Variants in IFITM5 observed in about 807,000 individuals in gnomAD.
IFITM5 encodes the protein interferon induced transmembrane protein 5, also known as interferon-induced transmembrane protein 5.
A neutral mutation model predicts 9.2 loss-of-function variants in IFITM5; 10 were observed. The ratio of observed to expected loss-of-function variants is 1.09; its 90% CI spans 0.67 to 1.85. IFITM5 has a LOEUF of 1.85. Among genes scored for constraint, IFITM5 ranks in the 40% most tolerant of loss-of-function variants. The probability of loss-of-function intolerance (pLI) is 0.00; values close to 1 mark genes in which losing one functional copy is unlikely to be tolerated. For synonymous variants in IFITM5, 93 were observed against 86.6 expected (o/e 1.07, Z -0.41); for missense variants, 225 against 182.6 (o/e 1.23, Z -1.34).
rs753826000 is a variant in IFITM5, at chr11:299,370, C to G, written c.121G>C (p.Val41Leu). ...PPPRDHLIWS[V>L]FSTLYLNLCC... ...AGATTCAGGTAGAGGGTGCTGAACA[C>G]CGACCAGATCAAGTGGTCTCGAGGC... Residue 41 changes from valine (V) to leucine (L), a missense_variant, in exon 1 of 2, where the codon GTG becomes CTG. Val to Leu is a conservative substitution (Grantham distance 32, BLOSUM62 1). Transcript: ENST00000382614. The G allele has an allele frequency of 4.4e-6, 7 of 1,596,696 alleles. No individual in the cohort carries two copies. The highest frequency in any genetic ancestry group is 1.7e-5 in the Admixed American group (1 of 58,106).
Position 298,698 on chromosome 11 carries a change from C to G in IFITM5, c.202G>C (p.Val68Leu), listed in dbSNP as rs1845894076. ...AYSIKARDQK[V>L]VGDLEAARRF... ...CGGGCCGCTTCCAGGTCACCAACCACCTTCTGATCTCGGGCCTGCAGAGAG... is the reference window on the plus strand; with the variant it reads ...CGGGCCGCTTCCAGGTCACCAACCAGCTTCTGATCTCGGGCCTGCAGAGAG... Residue 68 changes from valine to leucine, a missense_variant, in exon 2 of 2, where the codon GTG becomes CTG. Val to Leu is a conservative substitution (Grantham distance 32, BLOSUM62 1). Coordinates refer to ENST00000382614, the MANE Select transcript of IFITM5 (RefSeq NM_001025295.3). The G allele has an allele frequency of 1.6e-5, 26 of 1,613,556 alleles. No individual in the cohort carries two copies. The highest frequency in any genetic ancestry group is 6.7e-5 in the Admixed American group (4 of 60,002).
chr11:298,218 T>G lies in IFITM5; in HGVS notation c.*283A>C. On this transcript the variant is annotated 3_prime_UTR_variant, in exon 2 of 2. Coordinates refer to ENST00000382614, the MANE Select transcript of IFITM5 (RefSeq NM_001025295.3). ...GAGGCACTTTCTGGAACCAGGCACTTTTAATCGTGGAACCGAGGGGCCTGG... is the reference window on the plus strand; with the variant it reads ...GAGGCACTTTCTGGAACCAGGCACTGTTAATCGTGGAACCGAGGGGCCTGG... The G allele has an allele frequency of 4.4e-6, 2 of 457,880 alleles. No individual in the cohort carries two copies. Among genetic ancestry groups the G allele is most frequent in the East Asian group, 3.9e-5 (1 of 25,328 alleles). The allele number at this position is 457,880 out of a possible 1,614,324, so 28.4% of individuals were successfully genotyped here. A position where few individuals can be genotyped will look rare whatever the true frequency, so the allele number is the denominator to read the frequency against.
chr11:299,275 C>A (rs759332739), intron 1 of IFITM5, 30 bp downstream of exon 1: 40 of 1,535,518 alleles, frequency 2.6e-5, no homozygotes, highest in Non-Finnish European at 3.4e-5. Flanking sequence ...GTGGAGCCTC[C>A]CCCGCAACCT....
In IFITM5 at chr11:299,496, C is replaced by T. The variant is rs200674387; in HGVS notation, c.-6G>A. On this transcript the variant is annotated 5_prime_UTR_variant, in exon 1 of 2. Coordinates refer to ENST00000382614, the MANE Select transcript of IFITM5 (RefSeq NM_001025295.3). ...CGGGGATACGCCGTGTCCATGGGTT[C>T]CAGCGCCGTCTCTTCCACACTCAGA... The T allele has an allele frequency of 1.7e-5, 25 of 1,463,988 alleles. No individual in the cohort carries two copies. The highest frequency in any genetic ancestry group is 2.6e-5 in the East Asian group (1 of 38,412). 90.7% of individuals were successfully genotyped at this position (1,463,988 alleles called of 1,614,324 possible). A position where few individuals can be genotyped will look rare whatever the true frequency, so the allele number is the denominator to read the frequency against.
chr11:299,218 C>G (rs546222563), intron 1 of IFITM5, 87 bp downstream of exon 1: 3 of 1,135,456 alleles, frequency 2.6e-6, no homozygotes, highest in African/African-American at 3.3e-5. Context: ...CAAGGACCCC[C>G]CACGGAGCTC....
At position 298,654 on chromosome 11, in the gene IFITM5, G is replaced by C. The variant is rs947280912; in HGVS notation, c.246C>G (p.Ala82=). Residue 82 remains alanine, a synonymous_variant, in exon 2 of 2, where the codon GCC becomes GCG. Coordinates refer to ENST00000382614, the MANE Select transcript of IFITM5 (RefSeq NM_001025295.3). ...LEAARRFGSK[A]KCYNILAAMW... Reference sequence around the variant, plus strand: ...TCGCGGCCAGGATGTTGTAGCACTTGGCTTTGGAGCCAAAACGCCGGGCCG... The same window carrying C: ...TCGCGGCCAGGATGTTGTAGCACTTCGCTTTGGAGCCAAAACGCCGGGCCG... 5 of 1,613,548 alleles carry C rather than the reference G, an allele frequency of 3.1e-6. No individual in the cohort carries two copies. In the African/African-American group the frequency reaches 6.7e-5, roughly 22 times the overall value.
rs1845894100 is a variant in IFITM5, at chr11:298,699, C to T, written c.201G>A (p.Lys67=). ...GGGCCGCTTCCAGGTCACCAACCAC[C>T]TTCTGATCTCGGGCCTGCAGAGAGA... The part of the protein sequence containing the change: ...LAYSIKARDQ[K]VVGDLEAARR... The change falls in exon 2 of 2, where the codon AAG becomes AAA. Residue 67 remains lysine (K), a synonymous_variant. Transcript: ENST00000382614. The T allele has an allele frequency of 3.1e-6, 5 of 1,613,402 alleles. No individual in the cohort carries two copies. The highest frequency in any genetic ancestry group is 2.7e-5 in the African/African-American group (2 of 74,950).
rs1845888354 is a variant in IFITM5, at chr11:298,343, G to T, written c.*158C>A. The T allele has an allele frequency of 9.3e-6, 7 of 752,558 alleles. No homozygotes were observed. The highest frequency in any genetic ancestry group is 8.5e-5 in the Admixed American group (3 of 35,434). The allele number at this position is 752,558 out of a possible 1,614,324, so 46.6% of individuals were successfully genotyped here. A position where few individuals can be genotyped will look rare whatever the true frequency, so the allele number is the denominator to read the frequency against. On this transcript the variant is annotated 3_prime_UTR_variant, in exon 2 of 2. Coordinates refer to ENST00000382614, the MANE Select transcript of IFITM5 (RefSeq NM_001025295.3). ...GGGTCTGACTGGTTCAGCCTTAGGTGCCCATGTTGGGGCTGGAGGGCCCCA... is the reference window on the plus strand; with the variant it reads ...GGGTCTGACTGGTTCAGCCTTAGGTTCCCATGTTGGGGCTGGAGGGCCCCA...
At position 298,524 on chromosome 11, in the gene IFITM5, A is replaced by C. The variant is rs1845890672; in HGVS notation, c.376T>G (p.Phe126Val). Residue 126 changes from phenylalanine to valine, a missense_variant, in exon 2 of 2, where the codon TTT becomes GTT. Transcript: ENST00000382614. ...KDSAAFFSTKFDDADYD is the reference protein window; with the variant it reads ...KDSAAFFSTKVDDADYD ...TGTCAGTCATAGTCCGCGTCATCAA[A>C]CTTGGTGCTGAAGAAGGCGGCAGAG... 4 of 1,611,970 alleles carry C rather than the reference A, an allele frequency of 2.5e-6. No homozygotes were observed. Among genetic ancestry groups the C allele is most frequent in the Non-Finnish European group, 1.7e-6 (2 of 1,179,868 alleles).
chr11:299,286 C>T lies in IFITM5; in HGVS notation c.186+19G>A, dbSNP rs116899068. ...AGTAGTGGAGCCTCCCCCGCAACCT[C>T]GGTAGGGCCCCTGCCCACCTTGATG... On this transcript the variant is annotated intron_variant, in intron 1 of 1. Transcript: ENST00000382614. 6,918 of 1,563,084 alleles carry T rather than the reference C, an allele frequency of 4.4e-3. 294 individuals are homozygous for T. The East Asian group carries it at 0.11, about 24-fold the overall frequency.
At position 299,341 on chromosome 11, in the gene IFITM5, A is replaced by G. The variant is rs773407633; in HGVS notation, c.150T>C (p.Cys50=). 4 of 1,603,212 alleles carry G rather than the reference A, an allele frequency of 2.5e-6. No individual in the cohort carries two copies. Among genetic ancestry groups the G allele is most frequent in the South Asian group, 1.1e-5 (1 of 89,488 alleles). The change falls in exon 1 of 2, where the codon TGT becomes TGC. Residue 50 remains cysteine (C), a synonymous_variant. Transcript: ENST00000382614. ...AGGCCAGCGCCAGGAAGCCGAGGCA[A>G]CACAGATTCAGGTAGAGGGTGCTGA... ...SVFSTLYLNL[C]CLGFLALAYS...
rs372010251 is a variant in IFITM5 at position 299,324 on chromosome 11, G to A, written c.167C>T (p.Ala56Val). Residue 56 changes from alanine to valine, a missense_variant, in exon 1 of 2, where the codon GCG (alanine) becomes GTG (valine). Ala to Val is a moderately conservative substitution (Grantham distance 64, BLOSUM62 0). Transcript: ENST00000382614. ...YLNLCCLGFL[A>V]LAYSIKARDQ... is the part of the protein sequence containing the mutation. ...GCCCACCTTGATGGAGTAGGCCAGC[G>A]CCAGGAAGCCGAGGCAACACAGATT... 1.7e-5 allele frequency: 28 copies of A among 1,600,384 alleles called. No homozygotes were observed. The highest frequency in any genetic ancestry group is 5.4e-5 in the African/African-American group (4 of 74,366).
At chr11:299,175 G>T in intron 1 of IFITM5, 130 bp downstream of exon 1, 1 of 757,154 alleles carries the variant, frequency 1.3e-6, no homozygotes, top group Non-Finnish European at 2.1e-6. Flanking sequence ...GCCCCTCACG[G>T]ACAAGCAGAG....
chr11:299,324 G>C lies in IFITM5; in HGVS notation c.167C>G (p.Ala56Gly). ...GCCCACCTTGATGGAGTAGGCCAGCGCCAGGAAGCCGAGGCAACACAGATT... is the reference window on the plus strand; with the variant it reads ...GCCCACCTTGATGGAGTAGGCCAGCCCCAGGAAGCCGAGGCAACACAGATT... Reference protein sequence around the residue: ...YLNLCCLGFLALAYSIKARDQ... With the variant: ...YLNLCCLGFLGLAYSIKARDQ... The change falls in exon 1 of 2, where the codon GCG (alanine) becomes GGG (glycine). Residue 56 changes from alanine (A) to glycine (G), a missense_variant. By Grantham distance (60) the Ala-to-Gly change is moderately conservative. Coordinates refer to ENST00000382614, the MANE Select transcript of IFITM5 (RefSeq NM_001025295.3). 6.2e-7 allele frequency: 1 copy of C among 1,600,386 alleles called. No individual in the cohort carries two copies.
intron 1 of IFITM5, 61 bp downstream of exon 1, chr11:299,244 T>A: frequency 9.0e-7 from 1 of 1,112,540 alleles, no homozygotes. Flanking sequence ...CCCTCCCCCT[T>A]CCCCCCACCT....
In IFITM5 at chr11:299,376, A is replaced by G; in HGVS notation, c.115T>C (p.Trp39Arg). The G allele has an allele frequency of 1.3e-6, 2 of 1,594,684 alleles. No individual in the cohort carries two copies. Residue 39 changes from tryptophan (W) to arginine (R), a missense_variant, in exon 1 of 2, where the codon TGG becomes CGG. By Grantham distance (101) the Trp-to-Arg change is moderately radical (BLOSUM62 -3). Coordinates refer to ENST00000382614, the MANE Select transcript of IFITM5 (RefSeq NM_001025295.3). Reference sequence around the variant, plus strand: ...AGGTAGAGGGTGCTGAACACCGACCAGATCAAGTGGTCTCGAGGCGGGGGG... The same window carrying G: ...AGGTAGAGGGTGCTGAACACCGACCGGATCAAGTGGTCTCGAGGCGGGGGG... The part of the protein sequence containing the change: ...PHPPPRDHLI[W>R]SVFSTLYLNL...
Position 299,401 on chromosome 11 carries a change from G to T in IFITM5, c.90C>A (p.His30Gln), listed in dbSNP as rs779959262. Residue 30 changes from histidine (H) to glutamine (Q), a missense_variant, in exon 1 of 2, where the codon CAC becomes CAA. Transcript: ENST00000382614. Reference sequence around the variant, plus strand: ...AGATCAAGTGGTCTCGAGGCGGGGGGTGCGGGGCCCCCAGTGTGAGGGCTG... The same window carrying T: ...AGATCAAGTGGTCTCGAGGCGGGGGTTGCGGGGCCCCCAGTGTGAGGGCTG... The part of the protein sequence containing the change: ...AHTALTLGAP[H>Q]PPPRDHLIWS... 3.2e-6 allele frequency: 5 copies of T among 1,569,432 alleles called. No individual in the cohort carries two copies. Among genetic ancestry groups the T allele is most frequent in the South Asian group, 1.2e-5 (1 of 85,360 alleles).
rs201497459 is a variant in IFITM5, at chr11:299,405, G to A, written c.86C>T (p.Pro29Leu). ...GAHTALTLGA[P>L]HPPPRDHLIW... Reference sequence around the variant, plus strand: ...CAAGTGGTCTCGAGGCGGGGGGTGCGGGGCCCCCAGTGTGAGGGCTGTGTG... The same window carrying A: ...CAAGTGGTCTCGAGGCGGGGGGTGCAGGGCCCCCAGTGTGAGGGCTGTGTG... Residue 29 changes from proline to leucine, a missense_variant, in exon 1 of 2, where the codon CCG becomes CTG. Coordinates refer to ENST00000382614, the MANE Select transcript of IFITM5 (RefSeq NM_001025295.3). 2.2e-4 allele frequency: 340 copies of A among 1,564,074 alleles called. 1 individual carries two copies. The East Asian group carries it at 6.0e-3, about 28-fold the overall frequency.
At chr11:299,067 G>C (rs1453108589) in intron 1 of IFITM5, among the ~76,000 whole-genome samples, 1 of 152,064 alleles carries the variant, frequency 6.6e-6, no homozygotes, top group African/African-American at 2.4e-5. Context: ...AATGGCCTCT[G>C]TGCTCTTGGA....
Sources: gnomAD v4.1 joint callset for allele counts (sites outside exome capture counted in the v4.1 genomes callset) on GRCh38, gnomAD v4.1.1 for gene constraint, MANE v1.5 for transcripts, NCBI Gene and HGNC (gene_info 2026-07-23, HGNC 2026-07-21) for gene names.